Variants in FN1 observed in about 807,000 individuals in gnomAD.
FN1 encodes fibronectin 1, also known as fibronectin.
FN1 carries 106 observed loss-of-function variants against 297.3 expected under a neutral mutation model. The ratio of observed to expected loss-of-function variants is 0.36; its 90% CI spans 0.30 to 0.42. FN1 has a LOEUF of 0.42. Ranked by LOEUF, FN1 falls within the 10% of genes least tolerant of loss-of-function variation. The pLI, the probability that FN1 is intolerant of heterozygous loss-of-function variation, is 1.00. For missense variants in FN1, 2,690 were observed against 3,124.9 expected (o/e 0.86, Z 3.32); for synonymous variants, 1,149 against 1,152.6 (o/e 1.00, Z 0.06).
At chr2:215,378,963 CTT>C (rs2057779282) in intron 34 of FN1, among the ~76,000 whole-genome samples, 165 bp downstream of exon 34, 1 of 152,166 alleles carries the variant, frequency 6.6e-6, no homozygotes. Flanking sequence ...ATCTGGAAAA[CTT>C]AGGTCAACAT....
intron 9 of FN1, 126 bp from the exon 10 acceptor site, chr2:215,422,369 C>A: frequency 1.1e-6 from 1 of 951,378 alleles, no homozygotes; most frequent in Non-Finnish European, 1.7e-6. Context: ...GCTTTGTGTG[C>A]ATCAAAGACA....
At chr2:215,401,216 AAGAAAG>A (rs1170658501) in intron 20 of FN1, among the ~76,000 whole-genome samples, 1 of 50,626 alleles carries the variant, frequency 2.0e-5, no homozygotes, top group Non-Finnish European at 4.4e-5. Flanking sequence ...GAAAGAAAGA[AAGAAAG>A]AAAGAAAGAA....
At chr2:215,376,790 A>G in intron 35 of FN1, 116 bp from the exon 36 acceptor site, 2 of 844,058 alleles carry the variant, frequency 2.4e-6, no homozygotes, top group Non-Finnish European at 3.8e-6. Context: ...GAAATATATA[A>G]CTAGTAATGT....
chr2:215,410,129 TA>T lies in FN1; in HGVS notation c.1942-16del, dbSNP rs869194503. 6.7e-7 allele frequency: 1 copy of T among 1,489,144 alleles called. No individual in the cohort carries two copies. Among genetic ancestry groups the T allele is most frequent in the Non-Finnish European group, 9.0e-7 (1 of 1,107,518 alleles). 92.2% of individuals were successfully genotyped at this position (1,489,144 alleles called of 1,614,324 possible). Reference sequence around the variant, plus strand: ...ACAGAATTTTTCTGAAAATTTAAATTAACACACACACACACACACACACGTG... The same window carrying T: ...ACAGAATTTTTCTGAAAATTTAAATTACACACACACACACACACACACGTG... On this transcript the variant is annotated splice_polypyrimidine_tract_variant and intron_variant, in intron 13 of 45. Transcript: ENST00000354785.
Position 215,408,385 on chromosome 2 carries a change from G to A in FN1, c.2341C>T (p.Leu781Phe), listed in dbSNP as rs778087943. 1.2e-6 allele frequency: 2 copies of A among 1,614,014 alleles called. No homozygotes were observed. Residue 781 changes from leucine (L) to phenylalanine (F), a missense_variant, in exon 16 of 46, where the codon CTT becomes TTT. Physicochemically the swap from Leu to Phe is conservative, Grantham distance 22. Transcript: ENST00000354785. ...TATSVNIPDL[L>F]PGRKYIVNVY... ...TTTACAATGTATTTTCGGCCAGGAA[G>A]CAGGTCAGGGATGTTCACAGAAGTG...
At chr2:215,404,316 T>G in intron 20 of FN1, 73 bp downstream of exon 20, 2 of 1,416,822 alleles carry the variant, frequency 1.4e-6, no homozygotes, top group Non-Finnish European at 2.0e-6. Flanking sequence ...TTGTTTTGTT[T>G]TGTTTTGTTT....
intron 23 of FN1, among the ~76,000 whole-genome samples, chr2:215,395,276 T>C (rs1361218320): frequency 6.6e-6 from 1 of 152,156 alleles, no homozygotes; most frequent in Non-Finnish European, 1.5e-5. Context: ...CTGATACTTA[T>C]TCTAGAAAGA....
In FN1 at chr2:215,376,073, A is replaced by C. The variant is rs2057235944; in HGVS notation, c.5888-355T>G. Among the ~76,000 whole-genome samples the C allele has an allele frequency of 2.0e-5, 3 of 152,206 alleles. No individual in the cohort carries two copies. In the South Asian group the frequency reaches 6.2e-4, roughly 32 times the overall value. Reference sequence around the variant, plus strand: ...GTTGAGCCTTGGAATCACAATTTTAAAAAGCTAAAAAAGACCTCAGATATT... The same window carrying C: ...GTTGAGCCTTGGAATCACAATTTTACAAAGCTAAAAAAGACCTCAGATATT... On this transcript the variant is annotated intron_variant, in intron 36 of 45. Coordinates refer to ENST00000354785, the MANE Select transcript of FN1 (RefSeq NM_212482.4).
chr2:215,393,918 C>A (rs2060007540), intron 24 of FN1, among the ~76,000 whole-genome samples: 1 of 152,054 alleles, frequency 6.6e-6, no homozygotes, highest in South Asian at 2.1e-4. Flanking sequence ...ACCCAATGGA[C>A]AAACAAGCCT....
intron 13 of FN1, among the ~76,000 whole-genome samples, chr2:215,413,608 C>G (rs2063006159): frequency 6.6e-6 from 1 of 152,214 alleles, no homozygotes; most frequent in African/African-American, 2.4e-5. Flanking sequence ...TGGCTGTCCT[C>G]TAAGCCAGCT....
chr2:215,401,342 G>A (rs1247047681), intron 20 of FN1, among the ~76,000 whole-genome samples: 1 of 151,528 alleles, frequency 6.6e-6, no homozygotes, highest in Non-Finnish European at 1.5e-5. Context: ...AAAGGGAAAG[G>A]AAAGGAAAGA....
chr2:215,429,589 C>T (rs1053230168), intron 5 of FN1, among the ~76,000 whole-genome samples: 7 of 152,120 alleles, frequency 4.6e-5, no homozygotes, highest in African/African-American at 1.7e-4. Flanking sequence ...TTCCCAAATC[C>T]CCAGCGAAAA....
chr2:215,372,440 A>G (rs749983839), intron 39 of FN1, 65 bp from the exon 40 acceptor site: 1 of 1,163,292 alleles, frequency 8.6e-7, no homozygotes, highest in Non-Finnish European at 1.3e-6. Context: ...AGCAGCAATG[A>G]TAATAATCGA....
intron 20 of FN1, 139 bp downstream of exon 20, chr2:215,404,237 CAGCCAGTCTATGG>C: frequency 1.3e-6 from 1 of 785,898 alleles, no homozygotes; most frequent in African/African-American, 1.7e-5. Flanking sequence ...AACGGGCCAG[CAGCCAGTCTATGG>C]AGCACATTTT....
chr2:215,404,779 A>T, intron 19 of FN1, 124 bp from the exon 20 acceptor site: 3 of 925,860 alleles, frequency 3.2e-6, no homozygotes, highest in Non-Finnish European at 1.7e-6. Flanking sequence ...TGAAAGTCAA[A>T]ACCCTGGAAA....
At chr2:215,379,393 G>T in intron 33 of FN1, 76 bp from the exon 34 acceptor site, 1 of 1,355,096 alleles carries the variant, frequency 7.4e-7, no homozygotes, top group Non-Finnish European at 1.1e-6. Flanking sequence ...GTTCCAAGAA[G>T]TAGAATGGAT....
intron 20 of FN1, among the ~76,000 whole-genome samples, chr2:215,403,524 C>G (rs1396841820): frequency 6.6e-6 from 1 of 152,110 alleles, no homozygotes; most frequent in African/African-American, 2.4e-5. Context: ...ATGTTAGGTG[C>G]TTCTATAATT....
At chr2:215,385,057 T>C (rs886085426) in intron 28 of FN1, 81 bp from the exon 29 acceptor site, 2 of 973,664 alleles carry the variant, frequency 2.1e-6, no homozygotes, top group African/African-American at 1.6e-5. Context: ...TTCCAGATAA[T>C]TGTCTTAATG....
At position 215,422,158 on chromosome 2, in the gene FN1, C is replaced by A; in HGVS notation, c.1479G>T (p.Met493Ile). Residue 493 changes from methionine to isoleucine, a missense_variant, in exon 10 of 46, where the codon ATG becomes ATT. Transcript: ENST00000354785. The part of the protein sequence containing the change: ...QWDKQHDMGH[M>I]MRCTCVGNGR... ...CATTCCCAACACACGTGCACCTCAT[C>A]ATGTGACCCATGTCATGCTGCTTAT... 6.2e-7 allele frequency: 1 copy of A among 1,614,190 alleles called. No homozygotes were observed. Among genetic ancestry groups the A allele is most frequent in the South Asian group, 1.1e-5 (1 of 91,088 alleles).
Sources: allele counts gnomAD v4.1 joint callset (sites outside exome capture counted in the v4.1 genomes callset), GRCh38; gene constraint gnomAD v4.1.1; transcripts MANE v1.5; gene names NCBI Gene and HGNC (gene_info 2026-07-23, HGNC 2026-07-21).